SZT2: variants seen among roughly 807,000 people sequenced by gnomAD.
SZT2 encodes SZT2 subunit of KICSTOR complex.
Under a neutral mutation model 404.2 loss-of-function variants are expected in SZT2, and 216 were observed. The observed-to-expected ratio is 0.53, with a 90% CI of 0.48 to 0.60. SZT2 has a LOEUF of 0.60. Ranked by LOEUF, SZT2 falls within the 20% of genes least tolerant of loss-of-function variation. The probability of loss-of-function intolerance (pLI) is 0.00; values close to 1 mark genes in which losing one functional copy is unlikely to be tolerated. For synonymous variants in SZT2, 1,693 were observed against 1,749.9 expected, an observed-to-expected ratio of 0.97 and a Z score of 0.81; for missense variants, 3,857 against 4,459.2, an observed-to-expected ratio of 0.86 and a Z score of 3.85.
In SZT2 at chr1:43,447,957, G is replaced by A. The variant is rs1335281299; in HGVS notation, c.9549G>A (p.Glu3183=). ...AAPFEEQGEA[E]RHVLRLQFFV... is the part of the protein sequence containing the mutation. Reference sequence around the variant, plus strand: ...CCTTTGAGGAGCAAGGAGAGGCTGAGCGGCACGTTCTGCGGTCAGCAGATC... The same window carrying A: ...CCTTTGAGGAGCAAGGAGAGGCTGAACGGCACGTTCTGCGGTCAGCAGATC... Residue 3183 remains glutamate, a synonymous_variant, in exon 68 of 72, where the codon GAG becomes GAA. Coordinates refer to ENST00000634258, the MANE Select transcript of SZT2 (RefSeq NM_001365999.1). 2 of 1,613,872 alleles carry A rather than the reference G, an allele frequency of 1.2e-6. No homozygotes were observed. The highest frequency in any genetic ancestry group is 1.7e-6 in the Non-Finnish European group (2 of 1,180,010).
chr1:43,401,871 T>C (rs1389908793), intron 1 of SZT2, among the ~76,000 whole-genome samples: 1 of 152,178 alleles, frequency 6.6e-6, no homozygotes, highest in South Asian at 2.1e-4. Flanking sequence ...TCTGCTATCA[T>C]CCTTATCACT....
chr1:43,428,054 G>A lies in SZT2; in HGVS notation c.3855G>A (p.Arg1285=), dbSNP rs1210071899. The change falls in exon 27 of 72, where the codon CGG becomes CGA. Residue 1285 remains arginine (R), a synonymous_variant. Coordinates refer to ENST00000634258, the MANE Select transcript of SZT2 (RefSeq NM_001365999.1). ...PSPSSAWMEP[R]YKEAANHCAL... Reference sequence around the variant, plus strand: ...CATCCTCAGCCTGGATGGAACCCCGGTACAAGGAGGCAGCTAACCACTGTG... The same window carrying A: ...CATCCTCAGCCTGGATGGAACCCCGATACAAGGAGGCAGCTAACCACTGTG... 6.2e-7 allele frequency: 1 copy of A among 1,614,140 alleles called. No individual in the cohort carries two copies. The highest frequency in any genetic ancestry group is 1.7e-5 in the Admixed American group (1 of 60,026).
At chr1:43,447,364 C>T (rs1388937898) in intron 66 of SZT2, among the ~76,000 whole-genome samples, 181 bp from the exon 67 acceptor site, 5 of 152,244 alleles carry the variant, frequency 3.3e-5, no homozygotes. Flanking sequence ...CACATGTCCC[C>T]TGCCCTCTGA....
chr1:43,440,676 G>A, intron 52 of SZT2, 90 bp downstream of exon 52: 3 of 1,444,246 alleles, frequency 2.1e-6, no homozygotes, highest in Non-Finnish European at 1.8e-6. Flanking sequence ...GTCCCCCATA[G>A]GCCTTGCCAC....
chr1:43,426,433 C>T lies in SZT2; in HGVS notation c.3109C>T (p.His1037Tyr), dbSNP rs1231034284. ...CAACGACATGGTGCTGTGCCTGCTG[C>T]ACAGCTGCCTGGGGCAGGAGCTGAG... Reference protein sequence around the residue: ...PANDMVLCLLHSCLGQELSDR... With the variant: ...PANDMVLCLLYSCLGQELSDR... Residue 1037 changes from histidine to tyrosine, a missense_variant, in exon 22 of 72, where the codon CAC (histidine) becomes TAC (tyrosine). Physicochemically the swap from His to Tyr is moderately conservative, Grantham distance 83. Transcript: ENST00000634258. The surrounding 1 kb of genome is among the most constrained non-coding windows in gnomAD (Gnocchi z 4.9). The T allele has an allele frequency of 2.5e-6, 4 of 1,595,894 alleles. No individual in the cohort carries two copies. Among genetic ancestry groups the T allele is most frequent in the Non-Finnish European group, 1.7e-6 (2 of 1,178,838 alleles).
intron 42 of SZT2, chr1:43,436,464 T>C (rs1180657627): frequency 6.6e-6 from 1 of 152,270 alleles, no homozygotes; most frequent in Non-Finnish European, 1.5e-5. Flanking sequence ...TTCCTCATTT[T>C]AGTCTCTCCA....
In SZT2 at chr1:43,437,103, A is replaced by G. The variant is rs780318344; in HGVS notation, c.6035-68A>G. ...AGTGAGGACAAGTAGGCCAGTTCCC[A>G]GGTGAGAAGTCTGTGGAGGGCAGAG... On this transcript the variant is annotated intron_variant, in intron 42 of 71. Transcript: ENST00000634258. The surrounding 1 kb of genome is among the most constrained non-coding windows in gnomAD (Gnocchi z 5.3). 2.5e-6 allele frequency: 4 copies of G among 1,584,292 alleles called. No homozygotes were observed. Among genetic ancestry groups the G allele is most frequent in the South Asian group, 2.3e-5 (2 of 87,344 alleles).
At chr1:43,405,770 G>C (rs1369204964) in intron 4 of SZT2, 1 of 152,252 alleles carries the variant, frequency 6.6e-6, no homozygotes, top group Non-Finnish European at 1.5e-5. Context: ...AGGTTTTGCA[G>C]GCACTGATAG....
At chr1:43,396,059 G>A in intron 1 of SZT2, among the ~76,000 whole-genome samples, 1 of 152,220 alleles carries the variant, frequency 6.6e-6, no homozygotes, top group East Asian at 1.9e-4. Flanking sequence ...TGTTTGGACA[G>A]CAGCACAAGT....
chr1:43,415,396 AAC>A (rs1472670562), intron 5 of SZT2, among the ~76,000 whole-genome samples, 183 bp downstream of exon 5: 2 of 152,224 alleles, frequency 1.3e-5, no homozygotes, highest in Non-Finnish European at 2.9e-5. Flanking sequence ...TACTCCCCAA[AAC>A]ACAGATTCTT....
Position 43,452,737 on chromosome 1 carries a change from G to A in SZT2, c.*2257G>A. ...TCTGCCCCCACCATTGACCAGTAGTGATCCCCTCTTGCCAGTTCCTTCTGA... is the reference window on the plus strand; with the variant it reads ...TCTGCCCCCACCATTGACCAGTAGTAATCCCCTCTTGCCAGTTCCTTCTGA... On this transcript the variant is annotated 3_prime_UTR_variant, in exon 72 of 72. Transcript: ENST00000634258. The A allele has an allele frequency of 1.5e-6, 1 of 676,824 alleles. No individual in the cohort carries two copies. The highest frequency in any genetic ancestry group is 2.6e-6 in the Non-Finnish European group (1 of 387,696). 41.9% of individuals were successfully genotyped at this position (676,824 alleles called of 1,614,324 possible).
In SZT2 at chr1:43,441,465, C is replaced by A; in HGVS notation, c.7512-39C>A. On this transcript the variant is annotated intron_variant, in intron 53 of 71. Coordinates refer to ENST00000634258, the MANE Select transcript of SZT2 (RefSeq NM_001365999.1). The surrounding 1 kb of genome is among the most constrained non-coding windows in gnomAD (Gnocchi z 4.8). Reference sequence around the variant, plus strand: ...TTGGTCTGTATAAACATACAAGTGTCATGTATGGACATGAGGCTCTTACTC... The same window carrying A: ...TTGGTCTGTATAAACATACAAGTGTAATGTATGGACATGAGGCTCTTACTC... 1 of 1,610,046 alleles carries A rather than the reference C, an allele frequency of 6.2e-7. No individual in the cohort carries two copies. The highest frequency in any genetic ancestry group is 1.1e-5 in the South Asian group (1 of 90,238).
intron 4 of SZT2, among the ~76,000 whole-genome samples, chr1:43,407,297 C>A (rs1265353573): frequency 6.6e-6 from 1 of 152,032 alleles, no homozygotes; most frequent in African/African-American, 2.4e-5. Flanking sequence ...TGAGGCCAAG[C>A]GTTTGAGACC....
Position 43,448,443 on chromosome 1 carries a change from G to A in SZT2, c.9928G>A (p.Ala3310Thr), listed in dbSNP as rs371959235. The A allele has an allele frequency of 1.9e-5, 30 of 1,608,108 alleles. No individual in the cohort carries two copies. The highest frequency in any genetic ancestry group is 2.4e-5 in the Non-Finnish European group (28 of 1,177,786). The part of the protein sequence containing the change: ...ALAELEELLE[A>T]VHAKSIGDID... ...GGCAGAGCTGGAGGAACTCCTAGAA[G>A]CAGTCCATGCCAAATCCATTGGGGA... The change falls in exon 69 of 72, where the codon GCA becomes ACA. Residue 3310 changes from alanine to threonine, a missense_variant. By Grantham distance (58) the Ala-to-Thr change is moderately conservative (BLOSUM62 0). Coordinates refer to ENST00000634258, the MANE Select transcript of SZT2 (RefSeq NM_001365999.1). This position sits in a 1 kb window ranked among gnomAD's most constrained non-coding sequence, Gnocchi z 4.2.
chr1:43,430,555 C>G lies in SZT2; in HGVS notation c.4540C>G (p.Arg1514Gly), dbSNP rs771790051. The G allele has an allele frequency of 6.2e-7, 1 of 1,614,170 alleles. No homozygotes were observed. The highest frequency in any genetic ancestry group is 1.1e-5 in the South Asian group (1 of 91,072). Residue 1514 changes from arginine (R) to glycine (G), a missense_variant, in exon 32 of 72, where the codon CGG (arginine) becomes GGG (glycine). Transcript: ENST00000634258. Reference protein sequence around the residue: ...ESDPELEVEYRESRESDLGPA... With the variant: ...ESDPELEVEYGESRESDLGPA... ...TGACCCAGAGCTAGAGGTAGAATACCGGGAGAGCCGTGAATCAGACCTGGG... is the reference window on the plus strand; with the variant it reads ...TGACCCAGAGCTAGAGGTAGAATACGGGGAGAGCCGTGAATCAGACCTGGG...
Position 43,453,253 on chromosome 1 carries a change from G to C in SZT2, c.*2773G>C, listed in dbSNP as rs969594427. On this transcript the variant is annotated 3_prime_UTR_variant, in exon 72 of 72. Transcript: ENST00000634258. ...AAAATACAAAAGGCAATTTACAAAGGACCAGGACCGCAGAGGCAGAGATAA... is the reference window on the plus strand; with the variant it reads ...AAAATACAAAAGGCAATTTACAAAGCACCAGGACCGCAGAGGCAGAGATAA... 1 of 667,786 alleles carries C rather than the reference G, an allele frequency of 1.5e-6. No homozygotes were observed. The highest frequency in any genetic ancestry group is 2.7e-5 in the East Asian group (1 of 36,632). 41.4% of individuals were successfully genotyped at this position (667,786 alleles called of 1,614,324 possible). A position where few individuals can be genotyped will look rare whatever the true frequency, so the allele number is the denominator to read the frequency against.
Position 43,403,225 on chromosome 1 carries a change from A to G in SZT2, c.76A>G (p.Ile26Val), listed in dbSNP as rs1649893079. ...VFLLMKKDYR[I>V]SRNVRLAWFL... ...CCTGTTAATGAAAAAGGATTATCGA[A>G]TCTCCCGAAATGTTCGCCTGGCTTG... Residue 26 changes from isoleucine to valine, a missense_variant, in exon 2 of 72, where the codon ATC becomes GTC. By Grantham distance (29) the Ile-to-Val change is conservative (BLOSUM62 3). This residue lies in a region of SZT2 where 536 missense variants were observed against 637.4 expected (regional missense o/e 0.84). Transcript: ENST00000634258. 2 of 1,613,964 alleles carry G rather than the reference A, an allele frequency of 1.2e-6. No individual in the cohort carries two copies. The highest frequency in any genetic ancestry group is 1.7e-5 in the Admixed American group (1 of 59,998).
intron 40 of SZT2, among the ~76,000 whole-genome samples, chr1:43,433,602 T>G (rs1654160732): frequency 6.6e-6 from 1 of 152,148 alleles, no homozygotes; most frequent in Non-Finnish European, 1.5e-5. Flanking sequence ...GCCAACATGG[T>G]GAAACCCCGT....
In SZT2 at chr1:43,441,099, CAG is replaced by C. The variant is rs1570711934; in HGVS notation, c.7345-114_7345-113del. On this transcript the variant is annotated intron_variant, in intron 52 of 71. Coordinates refer to ENST00000634258, the MANE Select transcript of SZT2 (RefSeq NM_001365999.1). The surrounding 1 kb of genome is among the most constrained non-coding windows in gnomAD (Gnocchi z 4.8). Reference sequence around the variant, plus strand: ...CTCCTTAGCCAGCCCCTGGGGAAGCCAGGGTCTGAACCCAGACCTCTGAATCC... The same window carrying C: ...CTCCTTAGCCAGCCCCTGGGGAAGCCGGTCTGAACCCAGACCTCTGAATCC... 1.5e-6 allele frequency: 2 copies of C among 1,347,372 alleles called. No homozygotes were observed. The highest frequency in any genetic ancestry group is 1.5e-5 in the African/African-American group (1 of 68,802). The allele number at this position is 1,347,372 out of a possible 1,614,324, so 83.5% of individuals were successfully genotyped here.
Sources: allele counts gnomAD v4.1 joint callset (sites outside exome capture counted in the v4.1 genomes callset), GRCh38; gene constraint gnomAD v4.1.1; regional missense constraint gnomAD v4.1.1; non-coding constraint Gnocchi (gnomAD v3.1); transcripts MANE v1.5; gene names NCBI Gene and HGNC (gene_info 2026-07-23, HGNC 2026-07-21).